Variants in KLF8 observed in about 807,000 individuals in gnomAD.
The protein encoded by KLF8 is Krueppel-like factor 8.
Under a neutral mutation model 18.2 loss-of-function variants are expected in KLF8, and 10 were observed. The ratio of observed to expected loss-of-function variants is 0.55; its 90% CI spans 0.34 to 0.93. The LOEUF is 0.93. Ranked by LOEUF, KLF8 falls within the 40% of genes least tolerant of loss-of-function variation. The pLI is 0.02. For missense variants in KLF8, 264 were observed against 277.9 expected, an observed-to-expected ratio of 0.95 and a Z score of 0.36; for synonymous variants, 109 against 97.3, an observed-to-expected ratio of 1.12 and a Z score of -0.71.
chrX:56,265,135 T>G, intron 2 of KLF8, 45 bp from the exon 3 acceptor site: 4 of 1,137,356 alleles, frequency 3.5e-6, no homozygotes, highest in Non-Finnish European at 4.7e-6. Flanking sequence ...CTCTTCAGGG[T>G]ACTAACACTG....
chrX:55,965,001 C>T, the KLF8 span, among the ~76,000 whole-genome samples: 1 of 111,657 alleles, frequency 9.0e-6, no homozygotes, highest in Non-Finnish European at 1.9e-5. Flanking sequence ...GGTACCAATC[C>T]TACTGAAACT....
chrX:55,986,489 C>A, the KLF8 span, among the ~76,000 whole-genome samples: 161 of 111,647 alleles, frequency 1.4e-3, 2 homozygotes, highest in African/African-American at 4.5e-3. Flanking sequence ...CCAAATTGAT[C>A]ATGGTGGATA....
At chrX:56,145,782 A>T in the KLF8 span, among the ~76,000 whole-genome samples, 4 of 111,879 alleles carry the variant, frequency 3.6e-5, no homozygotes, top group East Asian at 5.6e-4. Context: ...TGAACAGGCA[A>T]CCTACAGAAT....
At chrX:56,185,634 G>C in the KLF8 span, among the ~76,000 whole-genome samples, 1 of 112,036 alleles carries the variant, frequency 8.9e-6, no homozygotes, top group East Asian at 2.8e-4. Context: ...GAAAGGTCGA[G>C]TTACCTACAA....
At chrX:56,168,628 C>T in the KLF8 span, among the ~76,000 whole-genome samples, 1 of 108,643 alleles carries the variant, frequency 9.2e-6, no homozygotes, top group African/African-American at 3.4e-5. Context: ...AGGTATATCT[C>T]CTAATGCTAT....
chrX:56,077,438 G>T, the KLF8 span, among the ~76,000 whole-genome samples: 1 of 111,761 alleles, frequency 8.9e-6, no homozygotes. Flanking sequence ...GTTTGTCAAA[G>T]ATCAGATAGT....
the KLF8 span, among the ~76,000 whole-genome samples, chrX:56,034,018 T>C: frequency 8.9e-6 from 1 of 112,696 alleles, no homozygotes; most frequent in African/African-American, 3.2e-5. Context: ...TTTTTGTTTG[T>C]TACAAACAGG....
At chrX:55,941,225 A>C in the KLF8 span, among the ~76,000 whole-genome samples, 3 of 112,240 alleles carry the variant, frequency 2.7e-5, no homozygotes, top group South Asian at 1.1e-3. Flanking sequence ...GCATATCTAC[A>C]ACTATCTTAT....
chrX:56,186,220 G>A, the KLF8 span, among the ~76,000 whole-genome samples: 7 of 111,313 alleles, frequency 6.3e-5, no homozygotes, highest in African/African-American at 2.3e-4. Context: ...GGCAGGGGTT[G>A]CAATCCTAGT....
chrX:56,204,313 C>CT, the KLF8 span, among the ~76,000 whole-genome samples: 2 of 111,748 alleles, frequency 1.8e-5, no homozygotes, highest in African/African-American at 3.2e-5. Flanking sequence ...GTTCTAGTAG[C>CT]TTTTTTGTGG....
the KLF8 span, among the ~76,000 whole-genome samples, chrX:56,160,445 G>C: frequency 1.8e-5 from 2 of 111,317 alleles, no homozygotes; most frequent in Non-Finnish European, 3.8e-5. Context: ...GGATATCCTT[G>C]TTAACTTTCT....
the KLF8 span, among the ~76,000 whole-genome samples, chrX:56,061,860 A>G: frequency 4.5e-5 from 5 of 110,354 alleles, no homozygotes; most frequent in Non-Finnish European, 9.4e-5. Context: ...TTGGGTGCAT[A>G]TATATTTACG....
chrX:56,251,700 A>G (rs1321358538), intron 2 of KLF8, among the ~76,000 whole-genome samples: 1 of 110,306 alleles, frequency 9.1e-6, no homozygotes. Flanking sequence ...TGACCTCATG[A>G]TCCGCCCACC....
the KLF8 span, among the ~76,000 whole-genome samples, chrX:56,073,405 A>C: frequency 8.9e-6 from 1 of 111,947 alleles, no homozygotes; most frequent in Non-Finnish European, 1.9e-5. Context: ...TTTTCTGCTG[A>C]CAGATTTGCG....
At position 56,245,487 on chromosome X, in the gene KLF8, G is replaced by T. The variant is rs535255763; in HGVS notation, c.8-4744G>T. 2.1e-4 allele frequency among the ~76,000 whole-genome samples: 24 copies of T among 112,043 alleles called. No individual in the cohort carries two copies. The East Asian group carries it at 4.5e-3, about 21-fold the overall frequency. ...CCTGTAGTCACAGTACCTGGAATGT[G>T]GTTTGTGATGTCCTGCATATATGAG... On this transcript the variant is annotated intron_variant, in intron 1 of 5. Transcript: ENST00000468660.
the KLF8 span, among the ~76,000 whole-genome samples, chrX:56,124,615 T>A: frequency 9.0e-6 from 1 of 111,435 alleles, no homozygotes; most frequent in African/African-American, 3.3e-5. Flanking sequence ...TGCCAAGGGA[T>A]TTTTCTGGGA....
chrX:55,937,683 C>A, the KLF8 span, among the ~76,000 whole-genome samples: 1 of 111,927 alleles, frequency 8.9e-6, no homozygotes, highest in Non-Finnish European at 1.9e-5. Context: ...ACCTAAAGGA[C>A]CTGGTGGAAC....
At chrX:56,114,531 G>A in the KLF8 span, among the ~76,000 whole-genome samples, 1 of 112,803 alleles carries the variant, frequency 8.9e-6, no homozygotes, top group African/African-American at 3.2e-5. Flanking sequence ...CTATTATCCA[G>A]CAGGCAAAAC....
the KLF8 span, among the ~76,000 whole-genome samples, chrX:56,051,670 A>C: frequency 9.0e-6 from 1 of 110,518 alleles, no homozygotes. Context: ...CTTTGAGGGT[A>C]ACCCGACCTT....
Sources: gnomAD v4.1 joint callset for allele counts (sites outside exome capture counted in the v4.1 genomes callset) on GRCh38, gnomAD v4.1.1 for gene constraint, MANE v1.5 for transcripts, NCBI Gene and HGNC (gene_info 2026-07-23, HGNC 2026-07-21) for gene names.